The following PRKN variants were observed in gnomAD, a reference collection of about 807,000 sequenced individuals.
PRKN encodes parkin RBR E3 ubiquitin protein ligase, also known as E3 ubiquitin-protein ligase parkin.
PRKN carries 56 observed loss-of-function variants against 59.5 expected under a neutral mutation model. The observed-to-expected ratio is 0.94, with a 90% confidence interval of 0.76 to 1.18. PRKN has a LOEUF of 1.18. Among genes scored for constraint, PRKN ranks in the 50% most tolerant of loss-of-function variants. PRKN has a pLI of 0.00. For missense variants in PRKN, 657 were observed against 596.4 expected, an observed-to-expected ratio of 1.10 and a Z score of -1.06; for synonymous variants, 250 against 222.1, an observed-to-expected ratio of 1.13 and a Z score of -1.12.
Position 162,387,555 on chromosome 6 carries a change from C to G in PRKN, c.171+55755G>C, listed in dbSNP as rs112073964. On this transcript the variant is annotated intron_variant, in intron 2 of 11. Transcript: ENST00000366898. ...CAACACACACACACACACACACACA[C>G]AGAGAGAGAGAGAGAGAGAGAGAGA... 4.8e-3 allele frequency among the ~76,000 whole-genome samples: 458 copies of G among 95,586 alleles called. 1 individual carries two copies. The highest frequency in any genetic ancestry group is 6.8e-3 in the Non-Finnish European group (327 of 48,280). The allele number at this position is 95,586 out of a possible 152,430, so 62.7% of individuals were successfully genotyped here. A position where few individuals can be genotyped will look rare whatever the true frequency, so the allele number is the denominator to read the frequency against.
intron 1 of PRKN, among the ~76,000 whole-genome samples, chr6:162,551,559 C>T (rs1220434108): frequency 2.0e-5 from 3 of 152,124 alleles, no homozygotes; most frequent in South Asian, 2.1e-4. Flanking sequence ...TTGGATATGC[C>T]GTTTTATTGA....
chr6:161,506,384 G>A (rs1778170668), intron 9 of PRKN, among the ~76,000 whole-genome samples: 1 of 152,142 alleles, frequency 6.6e-6, no homozygotes. Flanking sequence ...TTTGTATCCT[G>A]AGACTTTGCT....
At chr6:162,052,728 C>T (rs1377336109) in intron 5 of PRKN, among the ~76,000 whole-genome samples, 3 of 152,002 alleles carry the variant, frequency 2.0e-5, no homozygotes, top group Non-Finnish European at 4.4e-5. Flanking sequence ...ACATTATACA[C>T]ATAATGTTGT....
intron 9 of PRKN, among the ~76,000 whole-genome samples, chr6:161,431,253 G>T (rs1307437233): frequency 6.6e-6 from 1 of 151,922 alleles, no homozygotes; most frequent in Non-Finnish European, 1.5e-5. Context: ...TCATTAACTG[G>T]AAAGAAATAA....
intron 3 of PRKN, among the ~76,000 whole-genome samples, chr6:162,215,180 C>T (rs1304233876): frequency 2.6e-5 from 4 of 152,096 alleles, no homozygotes; most frequent in Admixed American, 2.6e-4. Context: ...TCACAATATC[C>T]CATAGATAAT....
intron 4 of PRKN, among the ~76,000 whole-genome samples, chr6:162,139,043 C>T (rs566162500): frequency 1.3e-5 from 2 of 152,266 alleles, no homozygotes; most frequent in Admixed American, 6.5e-5. Context: ...AAGACATGAT[C>T]GATGCCTTCA....
At chr6:162,074,538 G>A (rs1463863995) in intron 4 of PRKN, among the ~76,000 whole-genome samples, 1 of 151,780 alleles carries the variant, frequency 6.6e-6, no homozygotes, top group Non-Finnish European at 1.5e-5. Context: ...TAGATGACGA[G>A]TTAGTGGGTG....
At chr6:161,674,671 A>G (rs1257535225) in intron 7 of PRKN, among the ~76,000 whole-genome samples, 3 of 152,240 alleles carry the variant, frequency 2.0e-5, no homozygotes, top group Admixed American at 1.3e-4. Context: ...TAACACTGAC[A>G]TTTATGATCA....
intron 9 of PRKN, among the ~76,000 whole-genome samples, chr6:161,433,266 T>A (rs1261551589): frequency 6.6e-6 from 1 of 152,226 alleles, no homozygotes; most frequent in African/African-American, 2.4e-5. Flanking sequence ...TGATTCCAGC[T>A]GTAAGCAGTA....
intron 2 of PRKN, among the ~76,000 whole-genome samples, chr6:162,296,254 G>T (rs997514192): frequency 1.2e-5 from 1 of 83,130 alleles, no homozygotes. Context: ...TTCTATGCCA[G>T]CGCCCAGTAC....
intron 7 of PRKN, among the ~76,000 whole-genome samples, chr6:161,637,598 T>C (rs1783572815): frequency 6.6e-6 from 1 of 152,190 alleles, no homozygotes. Flanking sequence ...CCTTTTCTCC[T>C]CTGCGTTCCC....
At chr6:162,397,706 T>A (rs1050594452) in intron 2 of PRKN, among the ~76,000 whole-genome samples, 1 of 152,174 alleles carries the variant, frequency 6.6e-6, no homozygotes, top group African/African-American at 2.4e-5. Flanking sequence ...TCCTTACCCA[T>A]TTTTATTGAG....
chr6:162,141,609 C>A (rs1781783487), intron 4 of PRKN, among the ~76,000 whole-genome samples: 1 of 152,054 alleles, frequency 6.6e-6, no homozygotes, highest in Non-Finnish European at 1.5e-5. Context: ...GATTTGGAGG[C>A]AATACATGCA....
intron 1 of PRKN, among the ~76,000 whole-genome samples, chr6:162,471,324 C>T (rs2128178298): frequency 6.6e-6 from 1 of 152,190 alleles, no homozygotes; most frequent in East Asian, 1.9e-4. Flanking sequence ...TCTCGAACTC[C>T]TGACCTCAGG....
At chr6:162,178,637 G>A (rs1044802054) in intron 4 of PRKN, among the ~76,000 whole-genome samples, 6 of 152,186 alleles carry the variant, frequency 3.9e-5, no homozygotes, top group Non-Finnish European at 7.3e-5. Flanking sequence ...AAGTGCTGCA[G>A]GTGGACATGT....
chr6:161,607,586 G>A (rs550111221), intron 7 of PRKN, among the ~76,000 whole-genome samples: 74 of 152,232 alleles, frequency 4.9e-4, no homozygotes, highest in Middle Eastern at 3.4e-3. Flanking sequence ...AAACAAGTTT[G>A]GAGAAATCTC....
intron 1 of PRKN, among the ~76,000 whole-genome samples, chr6:162,453,342 C>G (rs1790715325): frequency 6.6e-6 from 1 of 152,118 alleles, no homozygotes; most frequent in Non-Finnish European, 1.5e-5. Flanking sequence ...TCTCTCTCTC[C>G]CCAACATACT....
rs7763076 is a variant in PRKN at position 161,549,456 on chromosome 6, T to C, written c.934-453A>G. ...ATTTAAAATTCAACAAGGTTTTATA[T>C]TTATTTTGAAAATCGGCCCAGCATT... On this transcript the variant is annotated intron_variant, in intron 8 of 11. Coordinates refer to ENST00000366898, the MANE Select transcript of PRKN (RefSeq NM_004562.3). This position sits in a 1 kb window ranked among gnomAD's most constrained non-coding sequence, Gnocchi z 6.0. Among the ~76,000 whole-genome samples the C allele has an allele frequency of 0.01, 1,569 of 152,312 alleles. 29 individuals are homozygous for C. Among genetic ancestry groups the C allele is most frequent in the African/African-American group, 0.036 (1,483 of 41,558 alleles).
chr6:161,592,894 G>C lies in PRKN; in HGVS notation c.872-23478C>G, dbSNP rs1259680943. 3.3e-5 allele frequency among the ~76,000 whole-genome samples: 5 copies of C among 152,178 alleles called. No homozygotes were observed. In the South Asian group the frequency reaches 1.0e-3, roughly 32 times the overall value. On this transcript the variant is annotated intron_variant, in intron 7 of 11. Transcript: ENST00000366898. This position sits in a 1 kb window ranked among gnomAD's most constrained non-coding sequence, Gnocchi z 4.8. ...TCCTGGCCAGGGGCCAGATCGTGAT[G>C]GTCTCAAGGGTTGAAGTTTAATTCC...
Sources: gnomAD v4.1 joint callset for allele counts (sites outside exome capture counted in the v4.1 genomes callset) on GRCh38, gnomAD v4.1.1 for gene constraint, Gnocchi (gnomAD v3.1) non-coding constraint, MANE v1.5 for transcripts, NCBI Gene and HGNC (gene_info 2026-07-23, HGNC 2026-07-21) for gene names.